KALRN: variants seen among roughly 807,000 people sequenced by gnomAD.
KALRN encodes the protein kalirin.
A neutral mutation model predicts 353.7 loss-of-function variants in KALRN; 70 were observed. That is an observed-to-expected ratio of 0.20 (90% CI 0.16 to 0.24). The LOEUF (loss-of-function observed/expected upper bound fraction) is 0.24, where lower values mean the gene tolerates loss of function less well. Ranked by LOEUF, KALRN falls within the 10% of genes least tolerant of loss-of-function variation. The pLI, the probability that KALRN is intolerant of heterozygous loss-of-function variation, is 1.00. For synonymous variants in KALRN, 1,391 were observed against 1,434.8 expected, an observed-to-expected ratio of 0.97 and a Z score of 0.69; for missense variants, 2,791 against 3,756.7, an observed-to-expected ratio of 0.74 and a Z score of 6.72.
intron 1 of KALRN, among the ~76,000 whole-genome samples, chr3:124,038,996 T>G (rs1447336944): frequency 6.6e-6 from 1 of 152,236 alleles, no homozygotes; most frequent in Non-Finnish European, 1.5e-5. Flanking sequence ...GCCCTCATTC[T>G]CATCCCTTGG....
At chr3:124,322,150 G>T (rs1174307387) in intron 6 of KALRN, among the ~76,000 whole-genome samples, 2 of 152,158 alleles carry the variant, frequency 1.3e-5, no homozygotes, top group Non-Finnish European at 2.9e-5. Flanking sequence ...CTCCAGTCTT[G>T]GTCCTCACAC....
chr3:124,632,898 G>A (rs2080937800), intron 35 of KALRN, among the ~76,000 whole-genome samples, 195 bp downstream of exon 35: 1 of 152,224 alleles, frequency 6.6e-6, no homozygotes, highest in Non-Finnish European at 1.5e-5. Flanking sequence ...TAGCCCCTAA[G>A]ACTTCCAGCA....
intron 10 of KALRN, among the ~76,000 whole-genome samples, chr3:124,383,286 C>T (rs2087691206): frequency 1.3e-5 from 2 of 152,190 alleles, no homozygotes; most frequent in African/African-American, 4.8e-5. Flanking sequence ...AAAGTTTCAA[C>T]CCTAGCGTCT....
At chr3:124,568,640 A>G (rs1161017838) in intron 34 of KALRN, among the ~76,000 whole-genome samples, 1 of 152,218 alleles carries the variant, frequency 6.6e-6, no homozygotes. Flanking sequence ...ATATACATAC[A>G]ATGGGATACT....
intron 33 of KALRN, among the ~76,000 whole-genome samples, chr3:124,517,399 C>T (rs985113048): frequency 6.6e-6 from 1 of 152,108 alleles, no homozygotes; most frequent in African/African-American, 2.4e-5. Context: ...CATTTCCATG[C>T]GGCAAGTGTG....
rs143958343 is a variant in KALRN, at chr3:124,587,923, G to A, written c.5182+24834G>A. Reference sequence around the variant, plus strand: ...TTGCCAGGCTGGTCTCAAACTTCTGGGCTCAAGTGATCCTACTGCCTCAGC... The same window carrying A: ...TTGCCAGGCTGGTCTCAAACTTCTGAGCTCAAGTGATCCTACTGCCTCAGC... On this transcript the variant is annotated intron_variant, in intron 34 of 59. Coordinates refer to ENST00000682506, the MANE Select transcript of KALRN (RefSeq NM_001388419.1). Among the ~76,000 whole-genome samples, 542 of 151,790 alleles carry A rather than the reference G, an allele frequency of 3.6e-3. 8 individuals are homozygous for A. The highest frequency in any genetic ancestry group is 0.024 in the Admixed American group (367 of 15,252).
chr3:124,349,727 AAAAG>A (rs1420850230), intron 10 of KALRN, among the ~76,000 whole-genome samples: 7 of 152,252 alleles, frequency 4.6e-5, no homozygotes, highest in Non-Finnish European at 1.0e-4. Flanking sequence ...CAATAAAAAA[AAAAG>A]AAAGCCTCAT....
chr3:124,564,821 T>C (rs2072600486), intron 34 of KALRN, among the ~76,000 whole-genome samples: 1 of 152,226 alleles, frequency 6.6e-6, no homozygotes. Flanking sequence ...GAGTTTGAGA[T>C]CCACTGACTT....
At chr3:124,339,827 A>G (rs1385432322) in intron 9 of KALRN, among the ~76,000 whole-genome samples, 2 of 152,208 alleles carry the variant, frequency 1.3e-5, no homozygotes, top group African/African-American at 4.8e-5. Flanking sequence ...AACATCAAGC[A>G]TCTTCTTGTT....
chr3:124,050,957 A>G (rs1158268030), intron 1 of KALRN, among the ~76,000 whole-genome samples: 1 of 152,226 alleles, frequency 6.6e-6, no homozygotes, highest in African/African-American at 2.4e-5. Flanking sequence ...GAGGTTAAAT[A>G]TATATAAAGA....
At chr3:124,233,299 T>G (rs1168813160) in intron 2 of KALRN, among the ~76,000 whole-genome samples, 1 of 152,170 alleles carries the variant, frequency 6.6e-6, no homozygotes, top group Non-Finnish European at 1.5e-5. Flanking sequence ...ACCTCCCAGC[T>G]TTTGGGAAAC....
chr3:124,662,010 C>G (rs750686019), intron 45 of KALRN, 82 bp downstream of exon 45: 56 of 1,100,540 alleles, frequency 5.1e-5, no homozygotes, highest in South Asian at 1.6e-4. Context: ...CCCCCTGAAG[C>G]CTTGTGTCCT....
intron 1 of KALRN, among the ~76,000 whole-genome samples, chr3:124,069,364 G>A (rs1177812665): frequency 1.5e-4 from 5 of 33,034 alleles, no homozygotes; most frequent in African/African-American, 2.3e-4. Context: ...AGGAGGAGGA[G>A]GAGGAGGAAA....
At chr3:124,278,343 T>C (rs564569067) in intron 5 of KALRN, among the ~76,000 whole-genome samples, 1 of 151,868 alleles carries the variant, frequency 6.6e-6, no homozygotes, top group Non-Finnish European at 1.5e-5. Flanking sequence ...TTAGTATGTA[T>C]GGGAGAAAAA....
chr3:124,134,070 C>T (rs2065631101), intron 1 of KALRN, among the ~76,000 whole-genome samples: 1 of 152,004 alleles, frequency 6.6e-6, no homozygotes, highest in Non-Finnish European at 1.5e-5. Context: ...CCCATGGAGC[C>T]AAAGCAAGAC....
intron 37 of KALRN, among the ~76,000 whole-genome samples, chr3:124,640,989 G>A (rs1165932025): frequency 2.0e-5 from 3 of 152,170 alleles, no homozygotes; most frequent in South Asian, 2.1e-4. Flanking sequence ...TGCTCAAGCC[G>A]CGGCACGGAA....
intron 1 of KALRN, among the ~76,000 whole-genome samples, chr3:124,193,887 T>A (rs74630874): frequency 0.034 from 5,144 of 152,306 alleles, 268 homozygotes; most frequent in African/African-American, 0.12. Flanking sequence ...CCTATTTTTT[T>A]AAGAACTCTT....
rs375166379 is a variant in KALRN at position 124,317,842 on chromosome 3, C to T, written c.1093-8138C>T. Among the ~76,000 whole-genome samples, 3 of 151,780 alleles carry T rather than the reference C, an allele frequency of 2.0e-5. No homozygotes were observed. In the East Asian group the frequency reaches 5.8e-4, roughly 30 times the overall value. Reference sequence around the variant, plus strand: ...CCTTAAAGGTAGCCTAAAGTTACTACATCCTAACCCAGAAAAGCTGCAATT... The same window carrying T: ...CCTTAAAGGTAGCCTAAAGTTACTATATCCTAACCCAGAAAAGCTGCAATT... On this transcript the variant is annotated intron_variant, in intron 6 of 59. Coordinates refer to ENST00000682506, the MANE Select transcript of KALRN (RefSeq NM_001388419.1).
intron 34 of KALRN, among the ~76,000 whole-genome samples, chr3:124,590,485 A>G (rs1377721537): frequency 1.3e-5 from 2 of 152,118 alleles, no homozygotes; most frequent in Admixed American, 1.3e-4. Context: ...AGCAAGTTGA[A>G]TGTTGAGGAC....
Sources: gnomAD v4.1 joint callset for allele counts (sites outside exome capture counted in the v4.1 genomes callset) on GRCh38, gnomAD v4.1.1 for gene constraint, MANE v1.5 for transcripts, NCBI Gene and HGNC (gene_info 2026-07-23, HGNC 2026-07-21) for gene names.